The following ITGA9 variants were observed in gnomAD, a reference collection of about 807,000 sequenced individuals.
ITGA9 encodes the protein integrin alpha-9.
In ITGA9, 56 loss-of-function variants were observed where a neutral mutation model predicts 127.8. The ratio of observed to expected loss-of-function variants is 0.44; its 90% CI spans 0.35 to 0.55. The LOEUF (loss-of-function observed/expected upper bound fraction) is 0.55. ITGA9 is among the 20% of genes least tolerant of loss of function. ITGA9 has a pLI of 0.00. For missense variants in ITGA9, 1,196 were observed against 1,347.1 expected (o/e 0.89, Z 1.76); for synonymous variants, 508 against 514.5 (o/e 0.99, Z 0.17).
chr3:37,656,202 T>TAAAA (rs544638171), intron 17 of ITGA9, among the ~76,000 whole-genome samples: 100 of 152,354 alleles, frequency 6.6e-4, no homozygotes, highest in African/African-American at 2.4e-3. Context: ...ATATGAAATT[T>TAAAA]AAAGTAGTTT....
chr3:37,705,917 G>A (rs1701000105), intron 18 of ITGA9, among the ~76,000 whole-genome samples: 1 of 152,178 alleles, frequency 6.6e-6, no homozygotes, highest in Admixed American at 6.5e-5. Flanking sequence ...TTGTTCATCT[G>A]GAAAGAAGGA....
At chr3:37,595,628 C>T (rs574607435) in intron 15 of ITGA9, among the ~76,000 whole-genome samples, 1 of 152,356 alleles carries the variant, frequency 6.6e-6, no homozygotes, top group African/African-American at 2.4e-5. Flanking sequence ...CCTCACTTGG[C>T]TTTTCCTCCA....
chr3:37,774,112 A>C (rs1696875841), intron 23 of ITGA9, among the ~76,000 whole-genome samples: 1 of 152,258 alleles, frequency 6.6e-6, no homozygotes, highest in African/African-American at 2.4e-5. Flanking sequence ...GGCACACACC[A>C]ACGCCCACTT....
intron 1 of ITGA9, among the ~76,000 whole-genome samples, chr3:37,461,062 T>C (rs1005796452): frequency 3.3e-5 from 5 of 152,120 alleles, no homozygotes. Flanking sequence ...TGTTGTGCAG[T>C]ACACACCAGT....
chr3:37,744,983 A>G (rs1696483894), intron 22 of ITGA9, among the ~76,000 whole-genome samples: 1 of 152,192 alleles, frequency 6.6e-6, no homozygotes, highest in Admixed American at 6.5e-5. Flanking sequence ...AGGACACAAC[A>G]GTCCATATCT....
chr3:37,522,861 T>C (rs1323987156), intron 11 of ITGA9, among the ~76,000 whole-genome samples: 1 of 152,210 alleles, frequency 6.6e-6, no homozygotes, highest in Non-Finnish European at 1.5e-5. Flanking sequence ...GCAGGGCATC[T>C]TCTTCAGCTG....
At chr3:37,793,748 G>A (rs906757726) in intron 26 of ITGA9, among the ~76,000 whole-genome samples, 2 of 152,170 alleles carry the variant, frequency 1.3e-5, no homozygotes, top group African/African-American at 4.8e-5. Context: ...GAGATTTCAG[G>A]GACCATCTTA....
chr3:37,617,208 T>C (rs1045060663), intron 15 of ITGA9, among the ~76,000 whole-genome samples: 3 of 152,222 alleles, frequency 2.0e-5, no homozygotes, highest in African/African-American at 4.8e-5. Context: ...ATTTTATTTC[T>C]CCTTCACTTA....
chr3:37,650,698 TG>T (rs1700421431), intron 16 of ITGA9, among the ~76,000 whole-genome samples: 1 of 152,174 alleles, frequency 6.6e-6, no homozygotes, highest in Non-Finnish European at 1.5e-5. Flanking sequence ...CCCAAAGTGC[TG>T]GGATTACAGG....
At chr3:37,717,666 A>G (rs2125681932) in intron 18 of ITGA9, among the ~76,000 whole-genome samples, 2 of 152,264 alleles carry the variant, frequency 1.3e-5, no homozygotes, top group South Asian at 2.1e-4. Flanking sequence ...CAATAAGGGG[A>G]AAATCCACCT....
intron 24 of ITGA9, among the ~76,000 whole-genome samples, chr3:37,778,007 T>A (rs1386918727): frequency 6.6e-6 from 1 of 152,144 alleles, no homozygotes; most frequent in Non-Finnish European, 1.5e-5. Context: ...AATAGGAGAA[T>A]AAGTAAGCAA....
intron 16 of ITGA9, among the ~76,000 whole-genome samples, chr3:37,641,046 C>T (rs1486680750): frequency 6.6e-6 from 1 of 152,168 alleles, no homozygotes. Context: ...ACATCCTTTC[C>T]TCTGAGGGGG....
intron 15 of ITGA9, among the ~76,000 whole-genome samples, chr3:37,583,604 A>G (rs1352466392): frequency 2.0e-5 from 3 of 152,254 alleles, no homozygotes; most frequent in East Asian, 1.9e-4. Flanking sequence ...TCTTATTTCT[A>G]TCTTTGCACT....
At chr3:37,585,791 AGGG>A (rs201960822) in intron 15 of ITGA9, among the ~76,000 whole-genome samples, 1 of 122,492 alleles carries the variant, frequency 8.2e-6, no homozygotes, top group Non-Finnish European at 1.8e-5. Context: ...AGCAGGAAGA[AGGG>A]GGCCCCCCCA....
In ITGA9 at chr3:37,677,600, C is replaced by A. The variant is rs182427946; in HGVS notation, c.1917-6265C>A. Reference sequence around the variant, plus strand: ...CAAGTATGTTTCATATACATTGATACTATTTAGTTGCATTTTTATATGCTT... The same window carrying A: ...CAAGTATGTTTCATATACATTGATAATATTTAGTTGCATTTTTATATGCTT... On this transcript the variant is annotated intron_variant, in intron 17 of 27. Transcript: ENST00000264741. Among the ~76,000 whole-genome samples the A allele has an allele frequency of 8.5e-4, 129 of 152,274 alleles. 1 individual carries two copies. The East Asian group carries it at 0.016, about 18-fold the overall frequency.
At chr3:37,615,243 G>T (rs1215443184) in intron 15 of ITGA9, among the ~76,000 whole-genome samples, 1 of 152,110 alleles carries the variant, frequency 6.6e-6, no homozygotes, top group Non-Finnish European at 1.5e-5. Context: ...TTTGTCGCTG[G>T]TTCTGTTTAT....
chr3:37,729,455 G>C (rs1393974205), intron 18 of ITGA9, among the ~76,000 whole-genome samples: 3 of 152,168 alleles, frequency 2.0e-5, no homozygotes, highest in Non-Finnish European at 4.4e-5. Flanking sequence ...TTATTTGACT[G>C]AGTAAGGTGG....
chr3:37,502,214 T>A (rs1698793637), intron 5 of ITGA9, among the ~76,000 whole-genome samples: 2 of 118,102 alleles, frequency 1.7e-5, no homozygotes, highest in South Asian at 5.4e-4. Context: ...TTCTTGAGTC[T>A]TTTTTTTTTT....
At chr3:37,674,189 C>T (rs1037732625) in intron 17 of ITGA9, among the ~76,000 whole-genome samples, 1 of 152,142 alleles carries the variant, frequency 6.6e-6, no homozygotes, top group African/African-American at 2.4e-5. Context: ...AAGGAGAGGC[C>T]CCCAGACTGG....
Sources: allele counts gnomAD v4.1 joint callset (sites outside exome capture counted in the v4.1 genomes callset), GRCh38; gene constraint gnomAD v4.1.1; transcripts MANE v1.5; gene names NCBI Gene and HGNC (gene_info 2026-07-23, HGNC 2026-07-21).